AGBL4: variants seen among roughly 807,000 people sequenced by gnomAD.
AGBL4 encodes cytosolic carboxypeptidase 6.
In AGBL4, 58 loss-of-function variants were observed where a neutral mutation model predicts 66.4. The ratio of observed to expected loss-of-function variants is 0.87; its 90% CI spans 0.71 to 1.09. AGBL4 has a LOEUF of 1.09. Ranked by LOEUF, AGBL4 falls within the 50% of genes least tolerant of loss-of-function variation. AGBL4 has a pLI of 0.00. For missense variants in AGBL4, 579 were observed against 631.0 expected (o/e 0.92, Z 0.88); for synonymous variants, 234 against 222.9 (o/e 1.05, Z -0.44).
At chr1:48,549,367 G>A (rs560085354) in intron 11 of AGBL4, among the ~76,000 whole-genome samples, 33 of 152,366 alleles carry the variant, frequency 2.2e-4, no homozygotes, top group Admixed American at 2.0e-3. Flanking sequence ...GAAGTGCAGT[G>A]TGGAGGCTGC....
intron 5 of AGBL4, among the ~76,000 whole-genome samples, chr1:49,040,768 G>T (rs951624821): frequency 6.6e-6 from 1 of 152,170 alleles, no homozygotes; most frequent in Non-Finnish European, 1.5e-5. Flanking sequence ...AGTTACCTGC[G>T]ACTGGGACTG....
chr1:48,674,304 A>C (rs1177585988), intron 6 of AGBL4, among the ~76,000 whole-genome samples: 1 of 152,186 alleles, frequency 6.6e-6, no homozygotes, highest in Non-Finnish European at 1.5e-5. Flanking sequence ...TTATTGAGTG[A>C]TGTCTGCTGG....
intron 1 of AGBL4, among the ~76,000 whole-genome samples, chr1:49,957,566 A>C (rs919318968): frequency 1.3e-5 from 2 of 151,990 alleles, no homozygotes; most frequent in African/African-American, 4.8e-5. Flanking sequence ...ATATATATTT[A>C]GGATAGTTAG....
intron 1 of AGBL4, among the ~76,000 whole-genome samples, chr1:49,989,084 A>T (rs1174377449): frequency 6.6e-6 from 1 of 152,200 alleles, no homozygotes; most frequent in African/African-American, 2.4e-5. Flanking sequence ...CAGTCCCAAG[A>T]TCACACAGCT....
At chr1:48,657,482 TGCAGG>T (rs1475266083) in intron 7 of AGBL4, among the ~76,000 whole-genome samples, 2 of 152,230 alleles carry the variant, frequency 1.3e-5, no homozygotes, top group African/African-American at 4.8e-5. Context: ...AAAGGAATAC[TGCAGG>T]GCAGGGCCTC....
intron 4 of AGBL4, among the ~76,000 whole-genome samples, chr1:49,210,169 T>C (rs1648556801): frequency 6.6e-6 from 1 of 152,134 alleles, no homozygotes; most frequent in Non-Finnish European, 1.5e-5. Context: ...GAGTATTTAT[T>C]ATTTTCAGGC....
chr1:48,653,479 C>T, intron 7 of AGBL4, 28 bp from the exon 8 acceptor site: 3 of 1,454,198 alleles, frequency 2.1e-6, no homozygotes, highest in Non-Finnish European at 2.8e-6. Flanking sequence ...CCCGGTTTAA[C>T]AACAAAGCAT....
intron 4 of AGBL4, among the ~76,000 whole-genome samples, chr1:49,067,594 A>C (rs1361589555): frequency 6.6e-6 from 1 of 152,006 alleles, no homozygotes; most frequent in Non-Finnish European, 1.5e-5. Flanking sequence ...CACCTACACA[A>C]AGCAGTCTTT....
chr1:49,617,435 T>G (rs1645270859), intron 3 of AGBL4, among the ~76,000 whole-genome samples: 1 of 152,208 alleles, frequency 6.6e-6, no homozygotes, highest in Admixed American at 6.5e-5. Context: ...TTTTACCATC[T>G]TACATGTTTT....
chr1:49,266,425 T>C (rs757978935), intron 3 of AGBL4, among the ~76,000 whole-genome samples: 5 of 152,142 alleles, frequency 3.3e-5, no homozygotes, highest in African/African-American at 9.7e-5. Context: ...TTCCTCAATC[T>C]GACAGCATTT....
intron 4 of AGBL4, among the ~76,000 whole-genome samples, chr1:49,209,053 A>G (rs934110082): frequency 2.6e-5 from 4 of 152,124 alleles, no homozygotes; most frequent in African/African-American, 9.7e-5. Context: ...GTAAAAGAAA[A>G]GCAGCAAGTT....
chr1:49,215,671 C>T (rs1449507301), intron 4 of AGBL4, among the ~76,000 whole-genome samples: 1 of 152,114 alleles, frequency 6.6e-6, no homozygotes, highest in Non-Finnish European at 1.5e-5. Context: ...AGGTACCCCT[C>T]TTTGCACAAG....
intron 2 of AGBL4, among the ~76,000 whole-genome samples, chr1:49,755,892 A>C (rs963990834): frequency 1.3e-5 from 2 of 152,108 alleles, no homozygotes; most frequent in East Asian, 3.9e-4. Flanking sequence ...ACCTCTTCAA[A>C]TCCTTATTCA....
intron 6 of AGBL4, chr1:48,776,490 A>C (rs1003419842): frequency 2.7e-5 from 20 of 754,536 alleles, no homozygotes; most frequent in Admixed American, 4.2e-5. Flanking sequence ...CGGGAGAAGG[A>C]GGCAGGAAGG....
At chr1:49,655,770 T>A (rs974279169) in intron 3 of AGBL4, among the ~76,000 whole-genome samples, 13 of 152,182 alleles carry the variant, frequency 8.5e-5, no homozygotes, top group Admixed American at 4.6e-4. Flanking sequence ...AGGAGCTGGT[T>A]TTTTGAAAAG....
At chr1:49,492,437 C>G (rs1647209352) in intron 3 of AGBL4, among the ~76,000 whole-genome samples, 1 of 151,970 alleles carries the variant, frequency 6.6e-6, no homozygotes, top group Admixed American at 6.6e-5. Context: ...CTAAACCCCA[C>G]TTGACTGTGG....
At chr1:49,347,252 C>CTTTTTTTTTTTTTTTTT (rs35313917) in intron 3 of AGBL4, among the ~76,000 whole-genome samples, 1 of 115,864 alleles carries the variant, frequency 8.6e-6, no homozygotes, top group Admixed American at 9.0e-5. Flanking sequence ...TTCTTTCTTT[C>CTTTTTTTTTTTTTTTTT]TTTTTTTTTT....
At chr1:49,017,048 T>C (rs1557563573) in intron 5 of AGBL4, among the ~76,000 whole-genome samples, 1 of 152,184 alleles carries the variant, frequency 6.6e-6, no homozygotes, top group Non-Finnish European at 1.5e-5. Context: ...CTACCACTGG[T>C]GTAGACATAG....
intron 3 of AGBL4, among the ~76,000 whole-genome samples, chr1:49,312,953 C>A (rs923938802): frequency 4.6e-5 from 7 of 151,968 alleles, no homozygotes; most frequent in African/African-American, 1.7e-4. Flanking sequence ...TATACACATG[C>A]CAAGGTGGTT....
Sources: allele counts gnomAD v4.1 joint callset (sites outside exome capture counted in the v4.1 genomes callset), GRCh38; gene constraint gnomAD v4.1.1; transcripts MANE v1.5; gene names NCBI Gene and HGNC (gene_info 2026-07-23, HGNC 2026-07-21).